GRM5: variants seen among roughly 807,000 people sequenced by gnomAD.
GRM5 encodes the protein glutamate metabotropic receptor 5.
GRM5 carries 19 observed loss-of-function variants against 83.1 expected under a neutral mutation model. That is an observed-to-expected ratio of 0.23 (90% CI 0.16 to 0.34). The LOEUF (loss-of-function observed/expected upper bound fraction) is 0.34, where lower values mean the gene tolerates loss of function less well. GRM5 is among the 10% of genes least tolerant of loss of function. The probability of loss-of-function intolerance (pLI) is 1.00; values close to 1 mark genes in which losing one functional copy is unlikely to be tolerated. For missense variants in GRM5, 1,160 were observed against 1,588.3 expected (o/e 0.73, Z 4.58); for synonymous variants, 675 against 633.6 (o/e 1.07, Z -0.98).
intron 4 of GRM5, among the ~76,000 whole-genome samples, chr11:88,626,794 A>G (rs970979393): frequency 6.6e-6 from 1 of 152,170 alleles, no homozygotes; most frequent in Admixed American, 6.6e-5. Flanking sequence ...GAGAAGAGAT[A>G]CCAGTGACTT....
intron 3 of GRM5, among the ~76,000 whole-genome samples, chr11:88,753,362 T>C (rs1459323470): frequency 6.6e-6 from 1 of 152,204 alleles, no homozygotes; most frequent in Non-Finnish European, 1.5e-5. Flanking sequence ...TCAGTATTAC[T>C]GATCATTAGA....
chr11:88,752,202 C>T (rs1786469007), intron 3 of GRM5, among the ~76,000 whole-genome samples: 1 of 152,120 alleles, frequency 6.6e-6, no homozygotes, highest in African/African-American at 2.4e-5. Flanking sequence ...ATATAGACAA[C>T]CCCATAGTCT....
chr11:88,913,720 G>A (rs2135615259), intron 2 of GRM5, among the ~76,000 whole-genome samples: 1 of 151,398 alleles, frequency 6.6e-6, no homozygotes, highest in Admixed American at 6.6e-5. Context: ...CCAAATACAT[G>A]AGATTACCAG....
intron 2 of GRM5, among the ~76,000 whole-genome samples, chr11:88,938,766 C>T (rs376668600): frequency 3.3e-5 from 5 of 151,328 alleles, no homozygotes; most frequent in African/African-American, 1.2e-4. Flanking sequence ...CTTTTTTTAA[C>T]GAATATTAAA....
chr11:88,713,670 T>C (rs1941333677), intron 3 of GRM5, among the ~76,000 whole-genome samples: 2 of 152,032 alleles, frequency 1.3e-5, no homozygotes, highest in South Asian at 2.1e-4. Context: ...GCAGAAATCA[T>C]AGAAAGAAAA....
intron 1 of GRM5, among the ~76,000 whole-genome samples, chr11:89,048,482 TGTTAAA>T (rs1941689412): frequency 6.6e-6 from 1 of 152,222 alleles, no homozygotes; most frequent in South Asian, 2.1e-4. Context: ...GGATAACTGT[TGTTAAA>T]TTTTCATTAG....
intron 2 of GRM5, among the ~76,000 whole-genome samples, chr11:89,046,265 TTGA>T (rs1423499848): frequency 6.6e-6 from 1 of 152,198 alleles, no homozygotes; most frequent in African/African-American, 2.4e-5. Context: ...TTGGACTATA[TTGA>T]TATGTTAATG....
intron 2 of GRM5, among the ~76,000 whole-genome samples, chr11:88,985,619 T>C (rs140887228): frequency 6.6e-6 from 1 of 152,286 alleles, no homozygotes; most frequent in South Asian, 2.1e-4. Context: ...CTTTTCCATA[T>C]TAAGTTTAAA....
chr11:88,622,989 T>A (rs1504080), intron 4 of GRM5, among the ~76,000 whole-genome samples: 123,680 of 152,210 alleles, frequency 0.81, 50,463 homozygotes, highest in South Asian at 0.92. Flanking sequence ...AAAATGAGAT[T>A]GTATAGGGAA....
In GRM5 at chr11:88,788,836, A is replaced by G. The variant is rs532965128; in HGVS notation, c.911+61070T>C. Among the ~76,000 whole-genome samples, 14 of 152,298 alleles carry G rather than the reference A, an allele frequency of 9.2e-5. No homozygotes were observed. The South Asian group carries it at 2.9e-3, about 32-fold the overall frequency. ...AATACATTAAGTGGAAGATGTGAGT[A>G]GTTAGATAAAACTTTTCATAGGCAA... On this transcript the variant is annotated intron_variant, in intron 3 of 9. Coordinates refer to ENST00000305447, the MANE Select transcript of GRM5 (RefSeq NM_001143831.3).
At chr11:88,541,291 T>G (rs1942261733) in intron 8 of GRM5, among the ~76,000 whole-genome samples, 1 of 152,204 alleles carries the variant, frequency 6.6e-6, no homozygotes, top group South Asian at 2.1e-4. Context: ...TCTTAAGTAC[T>G]TAGTATTTGC....
intron 3 of GRM5, among the ~76,000 whole-genome samples, chr11:88,691,486 G>C (rs1280883959): frequency 6.6e-6 from 1 of 152,162 alleles, no homozygotes; most frequent in South Asian, 2.1e-4. Context: ...ATATAGCAAA[G>C]ATTTCACCTA....
intron 4 of GRM5, among the ~76,000 whole-genome samples, chr11:88,616,813 T>C (rs1176272429): frequency 3.9e-5 from 6 of 152,180 alleles, no homozygotes; most frequent in Admixed American, 3.9e-4. Context: ...TACATAACTA[T>C]CTCTAACCTG....
intron 2 of GRM5, among the ~76,000 whole-genome samples, chr11:88,909,254 A>G (rs1376343786): frequency 1.3e-5 from 2 of 152,082 alleles, no homozygotes; most frequent in Non-Finnish European, 2.9e-5. Flanking sequence ...GCCAAACAAC[A>G]TTTAACAGCA....
chr11:88,628,328 C>G (rs1938863076), intron 4 of GRM5, among the ~76,000 whole-genome samples: 1 of 152,188 alleles, frequency 6.6e-6, no homozygotes, highest in Non-Finnish European at 1.5e-5. Flanking sequence ...TCTCTTGTAA[C>G]TCTTAAAACC....
intron 3 of GRM5, among the ~76,000 whole-genome samples, chr11:88,830,776 C>A (rs1943975686): frequency 6.6e-6 from 1 of 152,160 alleles, no homozygotes; most frequent in Non-Finnish European, 1.5e-5. Context: ...AAGACATACC[C>A]AAGACTGGGC....
intron 3 of GRM5, among the ~76,000 whole-genome samples, chr11:88,771,534 G>C (rs555716714): frequency 6.6e-6 from 1 of 152,196 alleles, no homozygotes; most frequent in African/African-American, 2.4e-5. Flanking sequence ...AAAGCCAGAA[G>C]ACAGCAAGCA....
At chr11:89,060,522 T>C (rs978882708) in intron 1 of GRM5, among the ~76,000 whole-genome samples, 2 of 152,134 alleles carry the variant, frequency 1.3e-5, no homozygotes, top group Non-Finnish European at 2.9e-5. Flanking sequence ...CTTGTATTGT[T>C]GATATGATAA....
At chr11:88,767,460 G>A (rs952534141) in intron 3 of GRM5, among the ~76,000 whole-genome samples, 3 of 151,998 alleles carry the variant, frequency 2.0e-5, no homozygotes, top group African/African-American at 7.2e-5. Context: ...TAAAGAAAAT[G>A]TGGTACATGT....
Sources: gnomAD v4.1 joint callset for allele counts (sites outside exome capture counted in the v4.1 genomes callset) on GRCh38, gnomAD v4.1.1 for gene constraint, MANE v1.5 for transcripts, NCBI Gene and HGNC (gene_info 2026-07-23, HGNC 2026-07-21) for gene names.